Variants in TTLL7 observed in about 807,000 individuals in gnomAD.
The protein encoded by TTLL7 is tubulin tyrosine ligase like 7, also known as tubulin polyglutamylase TTLL7.
In TTLL7, 53 loss-of-function variants were observed where a neutral mutation model predicts 120.2. That is an observed-to-expected ratio of 0.44 (90% CI 0.35 to 0.55). TTLL7 has a LOEUF of 0.55. Among genes scored for constraint, TTLL7 ranks in the 20% least tolerant of loss-of-function variants. The pLI is 0.00. For missense variants in TTLL7, 803 were observed against 1,054.7 expected, an observed-to-expected ratio of 0.76 and a Z score of 3.31; for synonymous variants, 353 against 351.7, an observed-to-expected ratio of 1.00 and a Z score of -0.04.
At chr1:83,871,952 C>T (rs1450002156) in intron 20 of TTLL7, among the ~76,000 whole-genome samples, 1 of 150,700 alleles carries the variant, frequency 6.6e-6, no homozygotes, top group East Asian at 1.9e-4. Flanking sequence ...GTACCATATT[C>T]CCACAGATAC....
intron 9 of TTLL7, among the ~76,000 whole-genome samples, chr1:83,931,612 T>C (rs1179741773): frequency 6.6e-6 from 1 of 152,176 alleles, no homozygotes. Flanking sequence ...GCAAGTATTC[T>C]GTCTTCTTAT....
chr1:83,926,113 C>CAAAA (rs35184491), intron 10 of TTLL7, among the ~76,000 whole-genome samples: 1 of 127,108 alleles, frequency 7.9e-6, no homozygotes, highest in Non-Finnish European at 1.6e-5. Flanking sequence ...GACTCTGTCT[C>CAAAA]AAAAAAAAAA....
At position 83,892,885 on chromosome 1, in the gene TTLL7, A is replaced by AAG. The variant is rs373141032; in HGVS notation, c.2209-2406_2209-2405dup. On this transcript the variant is annotated intron_variant, in intron 18 of 20. Coordinates refer to ENST00000260505, the MANE Select transcript of TTLL7 (RefSeq NM_024686.6). Reference sequence around the variant, plus strand: ...GAATATATATAAAGAAAAGAGCAAAAAGAGAGAAAGAGAAAGAAGGAAAAA... The same window carrying AAG: ...GAATATATATAAAGAAAAGAGCAAAAAGAGAGAGAAAGAGAAAGAAGGAAAAA... Among the ~76,000 whole-genome samples the AAG allele has an allele frequency of 9.1e-5, 13 of 143,456 alleles. No homozygotes were observed. The South Asian group carries it at 1.1e-3, about 12-fold the overall frequency. The allele number at this position is 143,456 out of a possible 152,430, so 94.1% of individuals were successfully genotyped here.
At position 83,892,928 on chromosome 1, in the gene TTLL7, G is replaced by GAA. The variant is rs1553129437; in HGVS notation, c.2209-2448_2209-2447insTT. ...AGGAAAAAGAAAAAAGAAAGAAAAA[G>GAA]AGAAAGAAAGAAAGAAAGAAAGAAA... On this transcript the variant is annotated intron_variant, in intron 18 of 20. Coordinates refer to ENST00000260505, the MANE Select transcript of TTLL7 (RefSeq NM_024686.6). 5.6e-3 allele frequency among the ~76,000 whole-genome samples: 580 copies of GAA among 102,710 alleles called. 16 individuals carry two copies. Among genetic ancestry groups the GAA allele is most frequent in the African/African-American group, 0.032 (557 of 17,654 alleles). The allele number at this position is 102,710 out of a possible 152,430, so 67.4% of individuals were successfully genotyped here. A position where few individuals can be genotyped will look rare whatever the true frequency, so the allele number is the denominator to read the frequency against.
intron 10 of TTLL7, among the ~76,000 whole-genome samples, chr1:83,928,894 G>A (rs1006668670): frequency 2.6e-5 from 4 of 151,554 alleles, no homozygotes; most frequent in Non-Finnish European, 4.4e-5. Flanking sequence ...GTATACAGGA[G>A]TAGGGGGGAC....
At chr1:83,985,980 A>G (rs484716) in intron 1 of TTLL7, among the ~76,000 whole-genome samples, 1 of 151,572 alleles carries the variant, frequency 6.6e-6, no homozygotes, top group Admixed American at 6.6e-5. Context: ...GATTTTGCCA[A>G]ACACTCAATG....
chr1:83,964,962 G>GA (rs1221603833), intron 1 of TTLL7, among the ~76,000 whole-genome samples: 6 of 151,648 alleles, frequency 4.0e-5, no homozygotes, highest in South Asian at 4.2e-4. Context: ...AGTCTTACTA[G>GA]AAAAAAAATG....
intron 20 of TTLL7, among the ~76,000 whole-genome samples, chr1:83,872,353 T>C (rs985810246): frequency 6.6e-6 from 1 of 152,228 alleles, no homozygotes; most frequent in Non-Finnish European, 1.5e-5. Flanking sequence ...ATTATTTTCT[T>C]AAGATCACTC....
Position 83,868,221 on chromosome 1 carries a change from G to C in TTLL7, c.*1741C>G, listed in dbSNP as rs1653050883. On this transcript the variant is annotated 3_prime_UTR_variant, in exon 21 of 21. Coordinates refer to ENST00000260505, the MANE Select transcript of TTLL7 (RefSeq NM_024686.6). ...TTCTCCTGCTTTGGGGCCACTTCTTGAAATAACTTTCAGAATAGTAAAAGG... is the reference window on the plus strand; with the variant it reads ...TTCTCCTGCTTTGGGGCCACTTCTTCAAATAACTTTCAGAATAGTAAAAGG... 6.6e-6 allele frequency: 1 copy of C among 152,152 alleles called. No individual in the cohort carries two copies. The highest frequency in any genetic ancestry group is 1.5e-5 in the Non-Finnish European group (1 of 68,008). The allele number at this position is 152,152 out of a possible 1,614,324, so 9.4% of individuals were successfully genotyped here.
intron 13 of TTLL7, among the ~76,000 whole-genome samples, chr1:83,918,340 T>C (rs911042317): frequency 6.6e-6 from 1 of 152,172 alleles, no homozygotes; most frequent in South Asian, 2.1e-4. Flanking sequence ...TGTAAAAGCA[T>C]ATACCCCAGT....
At chr1:83,894,057 C>A (rs577232880) in intron 18 of TTLL7, among the ~76,000 whole-genome samples, 7 of 152,132 alleles carry the variant, frequency 4.6e-5, no homozygotes, top group Non-Finnish European at 7.4e-5. Context: ...TAGTTTAACT[C>A]TTTATATTTT....
At chr1:83,878,047 T>C (rs1654090103) in intron 20 of TTLL7, among the ~76,000 whole-genome samples, 1 of 151,930 alleles carries the variant, frequency 6.6e-6, no homozygotes, top group South Asian at 2.1e-4. Context: ...AAATCTTTTC[T>C]TATGTCCATT....
intron 18 of TTLL7, among the ~76,000 whole-genome samples, chr1:83,898,085 C>T (rs1433990063): frequency 1.3e-5 from 2 of 151,952 alleles, no homozygotes; most frequent in African/African-American, 4.8e-5. Context: ...AGGTGACCTA[C>T]ATTTCCAGGT....
At chr1:83,996,210 T>C (rs1416262531) in intron 1 of TTLL7, among the ~76,000 whole-genome samples, 1 of 152,178 alleles carries the variant, frequency 6.6e-6, no homozygotes, top group East Asian at 1.9e-4. Flanking sequence ...CAAATTCCTT[T>C]GGAAGAGGAA....
At chr1:83,997,427 T>C (rs1017195349) in intron 1 of TTLL7, among the ~76,000 whole-genome samples, 2 of 152,202 alleles carry the variant, frequency 1.3e-5, no homozygotes, top group Non-Finnish European at 2.9e-5. Context: ...AAGGTCAATA[T>C]AATTGTTGAC....
intron 15 of TTLL7, among the ~76,000 whole-genome samples, chr1:83,909,926 C>T (rs1657534214): frequency 6.6e-6 from 1 of 152,032 alleles, no homozygotes; most frequent in Admixed American, 6.6e-5. Context: ...CAAAGACACA[C>T]TGAAAGTATT....
chr1:83,984,058 T>G (rs973256502), intron 1 of TTLL7: 1 of 151,136 alleles, frequency 6.6e-6, no homozygotes, highest in Non-Finnish European at 1.5e-5. Flanking sequence ...GCCACTACAC[T>G]CCACCCTGGG....
At chr1:83,995,491 C>T (rs1043323904) in intron 1 of TTLL7, among the ~76,000 whole-genome samples, 10 of 151,956 alleles carry the variant, frequency 6.6e-5, no homozygotes, top group South Asian at 2.1e-4. Context: ...TGCTATGTGA[C>T]GTGCCTGCTC....
intron 18 of TTLL7, among the ~76,000 whole-genome samples, chr1:83,901,440 A>G (rs11163866): frequency 0.49 from 74,335 of 151,760 alleles, 18,999 homozygotes; most frequent in Non-Finnish European, 0.57. Flanking sequence ...GGTTTGAAAT[A>G]CCACATTTAT....
Sources: gnomAD v4.1 joint callset for allele counts (sites outside exome capture counted in the v4.1 genomes callset) on GRCh38, gnomAD v4.1.1 for gene constraint, MANE v1.5 for transcripts, NCBI Gene and HGNC (gene_info 2026-07-23, HGNC 2026-07-21) for gene names.